ALMS1: variants seen among roughly 807,000 people sequenced by gnomAD.
ALMS1 encodes ALMS1 centrosome and basal body associated protein.
ALMS1 carries 271 observed loss-of-function variants against 352.2 expected under a neutral mutation model. The ratio of observed to expected loss-of-function variants is 0.77; its 90% CI spans 0.70 to 0.85. The LOEUF is 0.85. Among genes scored for constraint, ALMS1 ranks in the 40% least tolerant of loss-of-function variants. ALMS1 has a pLI of 0.00. For synonymous variants in ALMS1, 1,865 were observed against 1,761.2 expected, an observed-to-expected ratio of 1.06 and a Z score of -1.48; for missense variants, 5,445 against 4,870.7, an observed-to-expected ratio of 1.12 and a Z score of -3.51.
At position 73,581,319 on chromosome 2, in the gene ALMS1, A is replaced by G. The variant is rs1401375428; in HGVS notation, c.11547+7895A>G. 2.0e-5 allele frequency among the ~76,000 whole-genome samples: 3 copies of G among 152,212 alleles called. No individual in the cohort carries two copies. In the East Asian group the frequency reaches 5.8e-4, roughly 29 times the overall value. On this transcript the variant is annotated intron_variant, in intron 16 of 22. Transcript: ENST00000613296. ...GAGTTATGTTAGGTGAAACTAAGGC[A>G]GGTCCCTTGTGTCAGTCCACGGCTA...
At chr2:73,556,027 G>T (rs1226625899) in intron 13 of ALMS1, among the ~76,000 whole-genome samples, 3 of 152,112 alleles carry the variant, frequency 2.0e-5, no homozygotes, top group African/African-American at 7.2e-5. Flanking sequence ...TGTAAATTTG[G>T]TGTAAAGGCT....
intron 9 of ALMS1, among the ~76,000 whole-genome samples, chr2:73,461,099 C>T (rs1672188973): frequency 6.6e-6 from 1 of 152,176 alleles, no homozygotes; most frequent in Non-Finnish European, 1.5e-5. Flanking sequence ...AGTGGTTCTC[C>T]CAGCACGCAG....
At chr2:73,511,624 C>T (rs1016354862) in intron 10 of ALMS1, among the ~76,000 whole-genome samples, 4 of 152,202 alleles carry the variant, frequency 2.6e-5, no homozygotes, top group South Asian at 2.1e-4. Flanking sequence ...CCATCTTGCC[C>T]GGGAATCCCT....
chr2:73,600,571 G>C lies in ALMS1; in HGVS notation c.11669-107G>C. On this transcript the variant is annotated intron_variant, in intron 17 of 22. Transcript: ENST00000613296. The stretch of plus-strand genomic sequence containing the variant: ...TCGCATCCCTCCATCCCACACAAAG[G>C]GATTGTATTTTTGAAACATTAAAAA... The C allele has an allele frequency of 4.8e-6, 5 of 1,037,340 alleles. No individual in the cohort carries two copies. The South Asian group carries it at 5.2e-5, about 11-fold the overall frequency. The allele number at this position is 1,037,340 out of a possible 1,614,324, so 64.3% of individuals were successfully genotyped here.
chr2:73,394,281 C>G (rs1297160622), intron 1 of ALMS1, among the ~76,000 whole-genome samples: 1 of 152,178 alleles, frequency 6.6e-6, no homozygotes, highest in African/African-American at 2.4e-5. Flanking sequence ...AAGAAGCCAG[C>G]TAGTATTTTG....
rs182474273 is a variant in ALMS1 at position 73,558,501 on chromosome 2, G to T, written c.10214-471G>T. ...TCTTTTAGCACTGTCTTCTAGAACT[G>T]TAGAGTCCACTCTCAAACAACTTTC... On this transcript the variant is annotated intron_variant, in intron 14 of 22. Transcript: ENST00000613296. 5.5e-4 allele frequency among the ~76,000 whole-genome samples: 84 copies of T among 152,312 alleles called. 1 individual carries two copies. In the East Asian group the frequency reaches 0.015, roughly 27 times the overall value.
rs138535708 is a variant in ALMS1, at chr2:73,402,096, A to G, written c.325-6526A>G. On this transcript the variant is annotated intron_variant, in intron 1 of 22. Coordinates refer to ENST00000613296, the MANE Select transcript of ALMS1 (RefSeq NM_001378454.1). Reference sequence around the variant, plus strand: ...TGTCTTGTAGTTTATTCATTCATCAATGGATGCTGTAGTTGTGTTCGTGGC... The same window carrying G: ...TGTCTTGTAGTTTATTCATTCATCAGTGGATGCTGTAGTTGTGTTCGTGGC... Among the ~76,000 whole-genome samples the G allele has an allele frequency of 9.8e-4, 149 of 151,614 alleles. No homozygotes were observed. In the East Asian group the frequency reaches 0.021, roughly 22 times the overall value.
chr2:73,574,611 T>A (rs1675014043), intron 16 of ALMS1, among the ~76,000 whole-genome samples: 1 of 152,112 alleles, frequency 6.6e-6, no homozygotes, highest in Non-Finnish European at 1.5e-5. Context: ...TTTCTCCTCA[T>A]TGAGCTTTTG....
At chr2:73,395,591 T>G (rs928681656) in intron 1 of ALMS1, among the ~76,000 whole-genome samples, 2 of 152,198 alleles carry the variant, frequency 1.3e-5, no homozygotes, top group African/African-American at 4.8e-5. Context: ...GTTTGGGTTA[T>G]TCGTTGTAGA....
intron 22 of ALMS1, 71 bp from the exon 23 acceptor site, chr2:73,609,497 A>G (rs868434477): frequency 1.4e-6 from 2 of 1,390,194 alleles, no homozygotes; most frequent in Middle Eastern, 3.5e-4. Context: ...ACATGGATGC[A>G]GGGAGGAGAG....
At chr2:73,574,396 A>G (rs1675008581) in intron 16 of ALMS1, among the ~76,000 whole-genome samples, 2 of 152,180 alleles carry the variant, frequency 1.3e-5, no homozygotes, top group Admixed American at 6.5e-5. Context: ...ATTTGAATTT[A>G]TATTCATTTT....
At chr2:73,479,011 A>G (rs766576699) in intron 9 of ALMS1, among the ~76,000 whole-genome samples, 2 of 152,290 alleles carry the variant, frequency 1.3e-5, no homozygotes, top group South Asian at 2.1e-4. Flanking sequence ...CCAGCAAAGG[A>G]CATGGTCTTA....
At chr2:73,463,761 G>A (rs201081545) in intron 9 of ALMS1, among the ~76,000 whole-genome samples, 1 of 140,982 alleles carries the variant, frequency 7.1e-6, no homozygotes, top group African/African-American at 2.6e-5. Context: ...TGATAAAGGG[G>A]ATATCACCAC....
intron 9 of ALMS1, among the ~76,000 whole-genome samples, chr2:73,484,151 G>A (rs1363033238): frequency 4.0e-5 from 6 of 151,794 alleles, no homozygotes; most frequent in East Asian, 3.9e-4. Flanking sequence ...ATTAGTTGAT[G>A]CAGTTTCTTC....
In ALMS1 at chr2:73,440,441, G is replaced by A. The variant is rs13423604; in HGVS notation, c.1433-7519G>A. ...TTTGATCGTCTTCTCCCTCTCTCTC[G>A]CGTTCGCTGTCTTTCTCTCTCTCTC... On this transcript the variant is annotated intron_variant, in intron 7 of 22. Coordinates refer to ENST00000613296, the MANE Select transcript of ALMS1 (RefSeq NM_001378454.1). Among the ~76,000 whole-genome samples the A allele has an allele frequency of 1.7e-3, 258 of 151,768 alleles. 1 individual carries two copies. The highest frequency in any genetic ancestry group is 5.8e-3 in the African/African-American group (239 of 41,352).
intron 12 of ALMS1, among the ~76,000 whole-genome samples, chr2:73,536,096 T>C (rs1232329868): frequency 1.3e-5 from 2 of 152,062 alleles, no homozygotes; most frequent in Non-Finnish European, 2.9e-5. Flanking sequence ...AATGAAGAAA[T>C]GTTTACTCCT....
chr2:73,462,970 A>G (rs1672240963), intron 9 of ALMS1, among the ~76,000 whole-genome samples: 1 of 152,162 alleles, frequency 6.6e-6, no homozygotes, highest in African/African-American at 2.4e-5. Context: ...GTCCTTAGTG[A>G]CCTACAAAGA....
At chr2:73,527,199 A>G (rs1385694174) in intron 11 of ALMS1, among the ~76,000 whole-genome samples, 2 of 150,514 alleles carry the variant, frequency 1.3e-5, no homozygotes, top group African/African-American at 4.9e-5. Flanking sequence ...TTTTGCATCA[A>G]TATTCATGAG....
rs765405386 is a variant in ALMS1 at position 73,452,436 on chromosome 2, T to C, written c.5909T>C (p.Val1970Ala). 72 of 1,613,898 alleles carry C rather than the reference T, an allele frequency of 4.5e-5. No homozygotes were observed. The highest frequency in any genetic ancestry group is 1.6e-4 in the Middle Eastern group (1 of 6,084). ...LTEEALKVSP[V>A]SIPAEQKTGI... is the part of the protein sequence containing the mutation. ...GAAGAGGCTCTGAAAGTTTCACCTG[T>C]TTCTATACCAGCAGAGCAGAAGACT... is the stretch of plus-strand genomic sequence containing the variant. Residue 1970 changes from valine to alanine, a missense_variant, in exon 8 of 23, where the codon GTT (valine) becomes GCT (alanine). Val to Ala is a moderately conservative substitution (Grantham distance 64). Coordinates refer to ENST00000613296, the MANE Select transcript of ALMS1 (RefSeq NM_001378454.1).
Sources: allele counts gnomAD v4.1 joint callset (sites outside exome capture counted in the v4.1 genomes callset), GRCh38; gene constraint gnomAD v4.1.1; transcripts MANE v1.5; gene names NCBI Gene and HGNC (gene_info 2026-07-23, HGNC 2026-07-21).